Variants in PKHD1 observed in about 807,000 individuals in gnomAD.
PKHD1 encodes fibrocystin.
PKHD1 carries 291 observed loss-of-function variants against 412.0 expected under a neutral mutation model. The ratio of observed to expected loss-of-function variants is 0.71; its 90% CI spans 0.64 to 0.78. PKHD1 has a LOEUF of 0.78. PKHD1 is among the 30% of genes least tolerant of loss of function. The pLI, the probability that PKHD1 is intolerant of heterozygous loss-of-function variation, is 0.00. For missense variants in PKHD1, 4,825 were observed against 4,950.7 expected, an observed-to-expected ratio of 0.97 and a Z score of 0.76; for synonymous variants, 1,777 against 1,821.5, an observed-to-expected ratio of 0.98 and a Z score of 0.62.
At chr6:51,892,620 A>AT (rs1304995567) in intron 43 of PKHD1, among the ~76,000 whole-genome samples, 1 of 152,132 alleles carries the variant, frequency 6.6e-6, no homozygotes, top group African/African-American at 2.4e-5. Context: ...ACCCACACTC[A>AT]TTTTCCAGTA....
intron 53 of PKHD1, among the ~76,000 whole-genome samples, chr6:51,779,573 C>G (rs550237127): frequency 6.6e-6 from 1 of 152,166 alleles, no homozygotes; most frequent in South Asian, 2.1e-4. Flanking sequence ...AAATGTTTAA[C>G]TTGGTAATTT....
chr6:51,755,474 C>T (rs1233057995), intron 55 of PKHD1, among the ~76,000 whole-genome samples: 6 of 152,126 alleles, frequency 3.9e-5, no homozygotes, highest in Non-Finnish European at 7.4e-5. Context: ...CTTCACTCCT[C>T]GGCTTCATAT....
chr6:51,666,767 T>G (rs1773874480), intron 60 of PKHD1, among the ~76,000 whole-genome samples: 1 of 147,960 alleles, frequency 6.8e-6, no homozygotes, highest in Non-Finnish European at 1.5e-5. Flanking sequence ...ATTGTTCAAT[T>G]CCCACCTATG....
Position 52,065,989 on chromosome 6 carries a change from C to T in PKHD1, c.867G>A (p.Gln289=). 1 of 1,556,250 alleles carries T rather than the reference C, an allele frequency of 6.4e-7. No homozygotes were observed. Among genetic ancestry groups the T allele is most frequent in the Non-Finnish European group, 8.9e-7 (1 of 1,127,452 alleles). Reference sequence around the variant, plus strand: ...CATCATAGTTACCTGCAATGGTAACCTGGGCAGAATTGTCAAAAAAGTCTC... The same window carrying T: ...CATCATAGTTACCTGCAATGGTAACTTGGGCAGAATTGTCAAAAAAGTCTC... ...ITGDFFDNSA[Q]VTIAGIPCDI... The change falls in exon 12 of 67, where the codon CAG becomes CAA. Residue 289 remains glutamine, a synonymous_variant. Coordinates refer to ENST00000371117, the MANE Select transcript of PKHD1 (RefSeq NM_138694.4).
At position 51,758,052 on chromosome 6, in the gene PKHD1, G is replaced by A. The variant is rs75823006; in HGVS notation, c.8643-3114C>T. Among the ~76,000 whole-genome samples, 166 of 138,486 alleles carry A rather than the reference G, an allele frequency of 1.2e-3. 1 individual carries two copies. Among genetic ancestry groups the A allele is most frequent in the African/African-American group, 4.1e-3 (147 of 35,872 alleles). The allele number at this position is 138,486 out of a possible 152,430, so 90.9% of individuals were successfully genotyped here. A position where few individuals can be genotyped will look rare whatever the true frequency, so the allele number is the denominator to read the frequency against. On this transcript the variant is annotated intron_variant, in intron 55 of 66. Coordinates refer to ENST00000371117, the MANE Select transcript of PKHD1 (RefSeq NM_138694.4). ...AGAGAGAGAGAGAGAGAGAGAGAGAGAAAACAAAGCAAACAGGAAAAAAAT... is the reference window on the plus strand; with the variant it reads ...AGAGAGAGAGAGAGAGAGAGAGAGAAAAAACAAAGCAAACAGGAAAAAAAT...
intron 60 of PKHD1, among the ~76,000 whole-genome samples, chr6:51,702,672 A>AT (rs1183207106): frequency 1.3e-5 from 2 of 152,000 alleles, no homozygotes; most frequent in African/African-American, 4.8e-5. Flanking sequence ...TGATTCCAAG[A>AT]TCTAGAAAAA....
intron 35 of PKHD1, among the ~76,000 whole-genome samples, chr6:51,982,667 C>A (rs1341298750): frequency 6.8e-5 from 10 of 148,028 alleles, no homozygotes; most frequent in African/African-American, 2.5e-4. Flanking sequence ...GGGACACAAA[C>A]ACTGCGGAAG....
intron 60 of PKHD1, among the ~76,000 whole-genome samples, chr6:51,739,419 C>A (rs568446037): frequency 6.6e-6 from 1 of 151,996 alleles, no homozygotes; most frequent in Non-Finnish European, 1.5e-5. Flanking sequence ...TTAGTAGAGA[C>A]GGATTTTCAT....
At chr6:51,846,714 G>C (rs893280063) in intron 50 of PKHD1, among the ~76,000 whole-genome samples, 2 of 152,136 alleles carry the variant, frequency 1.3e-5, no homozygotes, top group African/African-American at 4.8e-5. Flanking sequence ...GTCACAGTAG[G>C]GTTCCTGATT....
intron 35 of PKHD1, among the ~76,000 whole-genome samples, chr6:51,983,261 A>C (rs548888578): frequency 3.3e-4 from 50 of 152,372 alleles, no homozygotes; most frequent in Non-Finnish European, 5.6e-4. Flanking sequence ...CCTAGACTAC[A>C]AAAAATAAGG....
rs562033286 is a variant in PKHD1, at chr6:51,656,651, T to C, written c.11174+2301A>G. Among the ~76,000 whole-genome samples the C allele has an allele frequency of 6.6e-4, 94 of 141,402 alleles. 1 individual carries two copies. The South Asian group carries it at 0.018, about 26-fold the overall frequency. The allele number at this position is 141,402 out of a possible 152,430, so 92.8% of individuals were successfully genotyped here. On this transcript the variant is annotated intron_variant, in intron 61 of 66. Transcript: ENST00000371117. Reference sequence around the variant, plus strand: ...CCCACAAAACAGAGTTGGTAGCTTATAGCTTTTCTTTCTTTTTTTTTTTTT... The same window carrying C: ...CCCACAAAACAGAGTTGGTAGCTTACAGCTTTTCTTTCTTTTTTTTTTTTT...
At chr6:51,791,473 A>C in intron 52 of PKHD1, 100 bp from the exon 53 acceptor site, 1 of 1,081,832 alleles carries the variant, frequency 9.2e-7, no homozygotes, top group Non-Finnish European at 1.4e-6. Flanking sequence ...GTACAGTGTT[A>C]TCTAAACCAG....
At chr6:51,729,650 GAA>G (rs1421385152) in intron 60 of PKHD1, among the ~76,000 whole-genome samples, 1 of 152,120 alleles carries the variant, frequency 6.6e-6, no homozygotes, top group African/African-American at 2.4e-5. Flanking sequence ...AAAAAGCTAA[GAA>G]AAGTGATATT....
intron 60 of PKHD1, chr6:51,741,006 T>C: frequency 2.0e-6 from 1 of 490,056 alleles, no homozygotes; most frequent in Non-Finnish European, 4.1e-6. Context: ...CTCACACACA[T>C]ACATGCTTGT....
chr6:51,963,726 G>GA (rs11431187), intron 35 of PKHD1, among the ~76,000 whole-genome samples: 3,291 of 147,964 alleles, frequency 0.022, 65 homozygotes, highest in African/African-American at 0.046. Flanking sequence ...ATCCAATCAA[G>GA]AAAAAAAAAA....
rs1796563302 is a variant in PKHD1, at chr6:51,989,144, G to A, written c.5751+21165C>T. Among the ~76,000 whole-genome samples the A allele has an allele frequency of 2.6e-5, 4 of 152,122 alleles. 1 individual carries two copies. The South Asian group carries it at 8.3e-4, about 32-fold the overall frequency. On this transcript the variant is annotated intron_variant, in intron 35 of 66. Transcript: ENST00000371117. Reference sequence around the variant, plus strand: ...CTCCAGTCTCCAGGGCCTTTGCCCTGGTACTGACATTTTACCTTCTACAAA... The same window carrying A: ...CTCCAGTCTCCAGGGCCTTTGCCCTAGTACTGACATTTTACCTTCTACAAA...
At chr6:51,912,873 C>G (rs1446157544) in intron 37 of PKHD1, among the ~76,000 whole-genome samples, 1 of 152,058 alleles carries the variant, frequency 6.6e-6, no homozygotes, top group African/African-American at 2.4e-5. Context: ...ATATTTGAAT[C>G]ACGATCTTTT....
chr6:52,050,351 G>C (rs1447685369), intron 21 of PKHD1, 56 bp from the exon 22 acceptor site: 1 of 1,579,574 alleles, frequency 6.3e-7, no homozygotes, highest in Non-Finnish European at 8.7e-7. Flanking sequence ...GACTTGCTGT[G>C]TGGAAAATCC....
chr6:51,947,531 A>C (rs552462074), intron 36 of PKHD1, among the ~76,000 whole-genome samples: 141 of 152,338 alleles, frequency 9.3e-4, no homozygotes, highest in Non-Finnish European at 1.7e-3. Context: ...TGACTCAATG[A>C]CAGTGAGCAC....
Sources: allele counts gnomAD v4.1 joint callset (sites outside exome capture counted in the v4.1 genomes callset), GRCh38; gene constraint gnomAD v4.1.1; transcripts MANE v1.5; gene names NCBI Gene and HGNC (gene_info 2026-07-23, HGNC 2026-07-21).